The following PUS3 variants were observed in gnomAD, a reference collection of about 807,000 sequenced individuals.
The protein encoded by PUS3 is pseudouridine synthase 3, also known as tRNA pseudouridine(38/39) synthase.
Under a neutral mutation model 43.3 loss-of-function variants are expected in PUS3, and 36 were observed. The observed-to-expected ratio is 0.83, with a 90% CI of 0.64 to 1.10. PUS3 has a LOEUF of 1.10. Ranked by LOEUF, PUS3 falls within the 50% of genes least tolerant of loss-of-function variation. The probability of loss-of-function intolerance (pLI) is 0.00; values close to 1 mark genes in which losing one functional copy is unlikely to be tolerated. For synonymous variants in PUS3, 183 were observed against 199.2 expected (o/e 0.92, Z 0.69); for missense variants, 544 against 589.9 (o/e 0.92, Z 0.81).
At position 125,894,200 on chromosome 11, in the gene PUS3, T is replaced by A; in HGVS notation, c.1031A>T (p.Asn344Ile). 6.2e-7 allele frequency: 1 copy of A among 1,614,094 alleles called. No individual in the cohort carries two copies. The highest frequency in any genetic ancestry group is 8.5e-7 in the Non-Finnish European group (1 of 1,179,944). ...CCACAGTTGTTGTAGGTGGGTAATA[T>A]TGAACTCCTGAGCCTCCTGGTCATA... ...WIYDQEAQEF[N>I]ITHLQQLWAN... Residue 344 changes from asparagine to isoleucine, a missense_variant, in exon 4 of 4, where the codon AAT (asparagine) becomes ATT (isoleucine). Physicochemically the swap from Asn to Ile is moderately radical, Grantham distance 149. Coordinates refer to ENST00000227474, the MANE Select transcript of PUS3 (RefSeq NM_031307.4).
At chr11:125,895,829 A>C (rs751803917) in intron 2 of PUS3, 40 bp from the exon 3 acceptor site, 2 of 1,580,388 alleles carry the variant, frequency 1.3e-6, no homozygotes, top group Non-Finnish European at 1.7e-6. Flanking sequence ...TAGAGACACA[A>C]ATAATCTCAG....
At chr11:125,902,384 A>AGGGGGGGGGGGGGGGGGGGGGGGGGG (rs1022103014) in intron 1 of PUS3, among the ~76,000 whole-genome samples, 1 of 39,780 alleles carries the variant, frequency 2.5e-5, no homozygotes, top group African/African-American at 9.4e-5. Flanking sequence ...GGCGGGGGGG[A>AGGGGGGGGGGGGGGGGGGGGGGGGGG]GGGGGGGTCG....
Position 125,895,592 on chromosome 11 carries a change from C to G in PUS3, c.576G>C (p.Glu192Asp). Reference protein sequence around the residue: ...PSFSARFSCLERTYRYFFPRA... With the variant: ...PSFSARFSCLDRTYRYFFPRA... ...GAGGGAAAAAATAGCGGTAAGTCCG[C>G]TCAAGGCAGCTGAACCTAGCACTGA... The change falls in exon 3 of 4, where the codon GAG becomes GAC. Residue 192 changes from glutamate (E) to aspartate (D), a missense_variant. Glu to Asp is a conservative substitution (Grantham distance 45, BLOSUM62 2). Coordinates refer to ENST00000227474, the MANE Select transcript of PUS3 (RefSeq NM_031307.4). 6.2e-7 allele frequency: 1 copy of G among 1,614,256 alleles called. No individual in the cohort carries two copies.
chr11:125,898,643 C>T (rs886675564), intron 1 of PUS3, among the ~76,000 whole-genome samples: 2 of 151,974 alleles, frequency 1.3e-5, no homozygotes, highest in African/African-American at 4.8e-5. Context: ...TGCCACTGCA[C>T]TCCAGCCTAG....
chr11:125,895,508 A>G lies in PUS3; in HGVS notation c.660T>C (p.His220=), dbSNP rs367946467. The change falls in exon 3 of 4, where the codon CAT becomes CAC. Residue 220 remains histidine, a synonymous_variant. Transcript: ENST00000227474. The part of the protein sequence containing the change: ...DYAAQKYVGT[H]DFRNLCKMDV... ...CCATTTTACACAAGTTCCTGAAATC[A>G]TGGGTGCCAACATACTTCTGAGCTG... The G allele has an allele frequency of 6.8e-6, 11 of 1,614,052 alleles. No homozygotes were observed. Among genetic ancestry groups the G allele is most frequent in the African/African-American group, 1.3e-5 (1 of 74,936 alleles).
chr11:125,894,062 T>A lies in PUS3; in HGVS notation c.1169A>T (p.Asn390Ile). 6.2e-7 allele frequency: 1 copy of A among 1,614,166 alleles called. No homozygotes were observed. Among genetic ancestry groups the A allele is most frequent in the Non-Finnish European group, 8.5e-7 (1 of 1,180,040 alleles). ...CTGCTTTATGACAGAGGGCTTAACA[T>A]TTCCCCATTCTGTCATTCCATCCAT... ...PKMDGMTEWG[N>I]VKPSVIKQTS... The change falls in exon 4 of 4, where the codon AAT becomes ATT. Residue 390 changes from asparagine to isoleucine, a missense_variant. Coordinates refer to ENST00000227474, the MANE Select transcript of PUS3 (RefSeq NM_031307.4).
chr11:125,899,861 C>G (rs769343521), intron 1 of PUS3: 26 of 1,614,212 alleles, frequency 1.6e-5, no homozygotes, highest in Non-Finnish European at 2.2e-5. Flanking sequence ...AGGAATTTCT[C>G]AAGATCAGCT....
At chr11:125,901,489 G>A (rs1944772629) in intron 1 of PUS3, among the ~76,000 whole-genome samples, 1 of 152,198 alleles carries the variant, frequency 6.6e-6, no homozygotes, top group African/African-American at 2.4e-5. Context: ...TCTGAAAGTT[G>A]TCAGTTTTAA....
rs1944581424 is a variant in PUS3, at chr11:125,896,139, C to T, written c.146G>A (p.Gly49Glu). Residue 49 changes from glycine (G) to glutamate (E), a missense_variant, in exon 2 of 4, where the codon GGA becomes GAA. Physicochemically the swap from Gly to Glu is moderately conservative, Grantham distance 98 (BLOSUM62 -2). Transcript: ENST00000227474. The stretch of plus-strand genomic sequence containing the variant: ...GAAATCAAATGCACGCTTAGTTTTT[C>T]CAGCTCCTGCTGAATTTTCTCTAAT... Reference protein sequence around the residue: ...SNIRENSAGAGKTKRAFDFSA... With the variant: ...SNIRENSAGAEKTKRAFDFSA... The T allele has an allele frequency of 1.2e-6, 2 of 1,614,070 alleles. No individual in the cohort carries two copies. Among genetic ancestry groups the T allele is most frequent in the African/African-American group, 1.3e-5 (1 of 74,924 alleles).
Position 125,893,714 on chromosome 11 carries a change from A to AT in PUS3, c.*70_*71insA, listed in dbSNP as rs1280799576. 7.6e-6 allele frequency: 10 copies of AT among 1,312,136 alleles called. No homozygotes were observed. The highest frequency in any genetic ancestry group is 1.8e-5 in the South Asian group (1 of 54,072). The allele number at this position is 1,312,136 out of a possible 1,614,324, so 81.3% of individuals were successfully genotyped here. A position where few individuals can be genotyped will look rare whatever the true frequency, so the allele number is the denominator to read the frequency against. On this transcript the variant is annotated 3_prime_UTR_variant, in exon 4 of 4. Transcript: ENST00000227474. ...TCTGAATTCCTAGTACTTGCAAGTA[A>AT]ATTTTTTTTTTTTTCCTTTTCTGTC...
At chr11:125,902,821 C>T (rs1196219320) in intron 1 of PUS3, among the ~76,000 whole-genome samples, 2 of 151,964 alleles carry the variant, frequency 1.3e-5, no homozygotes. Flanking sequence ...CCACATACTC[C>T]TGGGTTCTCA....
chr11:125,903,050 G>C (rs1944820050), intron 1 of PUS3, 120 bp downstream of exon 1: 1 of 338,472 alleles, frequency 3.0e-6, no homozygotes, highest in Admixed American at 6.5e-5. Flanking sequence ...TTCCTGAAAA[G>C]ACCAAAGTAT....
In PUS3 at chr11:125,895,686, G is replaced by C. The variant is rs769426762; in HGVS notation, c.482C>G (p.Thr161Ser). The C allele has an allele frequency of 3.3e-5, 54 of 1,614,034 alleles. No individual in the cohort carries two copies. Among genetic ancestry groups the C allele is most frequent in the Non-Finnish European group, 4.5e-5 (53 of 1,180,036 alleles). The change falls in exon 3 of 4, where the codon ACC becomes AGC. Residue 161 changes from threonine to serine, a missense_variant. Coordinates refer to ENST00000227474, the MANE Select transcript of PUS3 (RefSeq NM_031307.4). ...AGGGAGTACCCGATTGAGAATGTGG[G>C]TATAACGGATCTCTTCAGCAGCAGC... is the stretch of plus-strand genomic sequence containing the variant. ...ANAAAEEIRYTHILNRVLPPD... is the reference protein window; with the variant it reads ...ANAAAEEIRYSHILNRVLPPD...
rs777216787 is a variant in PUS3, at chr11:125,900,190, A to G, written c.-47+2980T>C. Reference sequence around the variant, plus strand: ...TACCAACAGAGAAGAAAAGGTCTGCACTCCGTTGGGGTGTTCGTTGTGACC... The same window carrying G: ...TACCAACAGAGAAGAAAAGGTCTGCGCTCCGTTGGGGTGTTCGTTGTGACC... On this transcript the variant is annotated intron_variant, in intron 1 of 3. Transcript: ENST00000227474. The G allele has an allele frequency of 2.6e-5, 42 of 1,614,012 alleles. No homozygotes were observed. Among genetic ancestry groups the G allele is most frequent in the Non-Finnish European group, 3.5e-5 (41 of 1,180,024 alleles).
In PUS3 at chr11:125,895,667, T is replaced by C; in HGVS notation, c.501A>G (p.Val167=). 6.2e-7 allele frequency: 1 copy of C among 1,614,090 alleles called. No individual in the cohort carries two copies. The highest frequency in any genetic ancestry group is 8.5e-7 in the Non-Finnish European group (1 of 1,180,010). Residue 167 remains valine (V), a synonymous_variant, in exon 3 of 4, where the codon GTA becomes GTG. Transcript: ENST00000227474. The part of the protein sequence containing the change: ...EIRYTHILNR[V]LPPDIRILAW... ...CCAATATACGGATGTCTGGAGGGAG[T>C]ACCCGATTGAGAATGTGGGTATAAC...
intron 3 of PUS3, among the ~76,000 whole-genome samples, 177 bp downstream of exon 3, chr11:125,895,047 A>G (rs978444207): frequency 1.0e-4 from 15 of 147,380 alleles, no homozygotes; most frequent in African/African-American, 3.9e-4. Context: ...AGGATATGCT[A>G]TTTCTTTTTT....
chr11:125,897,040 T>C (rs1944611030), intron 1 of PUS3, among the ~76,000 whole-genome samples: 1 of 152,200 alleles, frequency 6.6e-6, no homozygotes, highest in Non-Finnish European at 1.5e-5. Flanking sequence ...CAGTCTGATG[T>C]AATGTAGATG....
At chr11:125,901,027 A>G (rs1001292387) in intron 1 of PUS3, among the ~76,000 whole-genome samples, 3 of 146,750 alleles carry the variant, frequency 2.0e-5, no homozygotes, top group African/African-American at 5.0e-5. Flanking sequence ...AAAAAAAAAA[A>G]GAAGGAACAA....
In PUS3 at chr11:125,894,196, A is replaced by G; in HGVS notation, c.1035T>C (p.Ile345=). The change falls in exon 4 of 4, where the codon ATT becomes ATC. Residue 345 remains isoleucine, a synonymous_variant. Transcript: ENST00000227474. ...IYDQEAQEFN[I]THLQQLWANH... ...TAGCCCACAGTTGTTGTAGGTGGGT[A>G]ATATTGAACTCCTGAGCCTCCTGGT... 6.2e-7 allele frequency: 1 copy of G among 1,614,082 alleles called. No homozygotes were observed. Among genetic ancestry groups the G allele is most frequent in the Non-Finnish European group, 8.5e-7 (1 of 1,179,942 alleles).
Sources: allele counts gnomAD v4.1 joint callset (sites outside exome capture counted in the v4.1 genomes callset), GRCh38; gene constraint gnomAD v4.1.1; transcripts MANE v1.5; gene names NCBI Gene and HGNC (gene_info 2026-07-23, HGNC 2026-07-21).